The following NIN variants were observed in gnomAD, a reference collection of about 807,000 sequenced individuals.
NIN encodes the protein glycogen synthase kinase 3 beta-interacting protein.
Under a neutral mutation model 257.6 loss-of-function variants are expected in NIN, and 137 were observed. The ratio of observed to expected loss-of-function variants is 0.53; its 90% confidence interval spans 0.46 to 0.61. The LOEUF is 0.61. Among genes scored for constraint, NIN ranks in the 20% least tolerant of loss-of-function variants. NIN has a pLI of 0.00. For synonymous variants in NIN, 918 were observed against 919.8 expected, an observed-to-expected ratio of 1.00 and a Z score of 0.04; for missense variants, 2,439 against 2,501.2, an observed-to-expected ratio of 0.98 and a Z score of 0.53.
In NIN at chr14:50,756,989, T is replaced by A; in HGVS notation, c.4041A>T (p.Leu1347Phe). 1 of 1,613,444 alleles carries A rather than the reference T, an allele frequency of 6.2e-7. No homozygotes were observed. Among genetic ancestry groups the A allele is most frequent in the Admixed American group, 1.7e-5 (1 of 59,900 alleles). ...ESVVQRCDCC[L>F]WEASLENLEI... The stretch of plus-strand genomic sequence containing the variant: ...CCAGGTTCTCTAAACTGGCTTCCCA[T>A]AAGCAGCAGTCACACCGCTGGACCA... The change falls in exon 18 of 31, where the codon TTA (leucine) becomes TTT (phenylalanine). Residue 1347 changes from leucine (L) to phenylalanine (F), a missense_variant. Coordinates refer to ENST00000530997, the MANE Select transcript of NIN (RefSeq NM_020921.4).
chr14:50,729,881 C>G (rs1421527516), intron 28 of NIN, among the ~76,000 whole-genome samples, 158 bp from the exon 29 acceptor site: 1 of 152,202 alleles, frequency 6.6e-6, no homozygotes, highest in Non-Finnish European at 1.5e-5. Flanking sequence ...CCGAGGAATA[C>G]AGAAATGAGA....
intron 5 of NIN, among the ~76,000 whole-genome samples, chr14:50,781,172 A>AACTAAATCC (rs1277592463): frequency 6.6e-6 from 1 of 152,170 alleles, no homozygotes; most frequent in Non-Finnish European, 1.5e-5. Context: ...AACACCCCAG[A>AACTAAATCC]ACTAAATCCA....
rs768979521 is a variant in NIN, at chr14:50,760,176, T to G, written c.2080A>C (p.Thr694Pro). ...AVLKEAHHEA[T>P]CRHEEEKKQL... ...TTTTTCTCCTCCTCATGCCTGCAAG[T>G]GGCCTCATGATGTGCCTCCTTGAGC... Residue 694 changes from threonine to proline, a missense_variant, in exon 17 of 31, where the codon ACT becomes CCT. Thr to Pro is a conservative substitution (Grantham distance 38, BLOSUM62 -1). Coordinates refer to ENST00000530997, the MANE Select transcript of NIN (RefSeq NM_020921.4). The G allele has an allele frequency of 6.2e-7, 1 of 1,614,188 alleles. No homozygotes were observed. Among genetic ancestry groups the G allele is most frequent in the Non-Finnish European group, 8.5e-7 (1 of 1,180,034 alleles).
rs2140301272 is a variant in NIN, at chr14:50,723,580, T to C, written c.6285A>G (p.Arg2095=). 6.2e-7 allele frequency: 1 copy of C among 1,613,944 alleles called. No homozygotes were observed. The highest frequency in any genetic ancestry group is 2.2e-5 in the East Asian group (1 of 44,874). Residue 2095 remains arginine (R), a synonymous_variant, in exon 31 of 31, where the codon CGA becomes CGG. Coordinates refer to ENST00000530997, the MANE Select transcript of NIN (RefSeq NM_020921.4). ...LLKALEVTEQ[R]QKTAEKKNYL... is the part of the protein sequence containing the mutation. ...AATTTTTCTTCTCTGCTGTTTTCTG[T>C]CGCTGTTCAGTCACTTCCAGAGCTT...
chr14:50,749,364 G>GA (rs1296979138), intron 21 of NIN, among the ~76,000 whole-genome samples: 2 of 152,146 alleles, frequency 1.3e-5, no homozygotes, highest in African/African-American at 4.8e-5. Context: ...AACCCTAGAA[G>GA]AAAACCTAGG....
chr14:50,761,830 T>G lies in NIN; in HGVS notation c.1856A>C (p.His619Pro). The change falls in exon 16 of 31, where the codon CAC (histidine) becomes CCC (proline). Residue 619 changes from histidine (H) to proline (P), a missense_variant. Physicochemically the swap from His to Pro is moderately conservative, Grantham distance 77. This residue lies in a region of NIN where 2,043 missense variants were observed against 2,050.2 expected (regional missense o/e 1.00). Coordinates refer to ENST00000530997, the MANE Select transcript of NIN (RefSeq NM_020921.4). ...LVIEQMKEQH[H>P]RDICCLRLEL... ...CAGTCTGAGGCAACATATGTCCCTG[T>G]GATGTTGTTCTTTCATCTGTTCAAT... The G allele has an allele frequency of 1.2e-6, 2 of 1,614,142 alleles. No individual in the cohort carries two copies. Among genetic ancestry groups the G allele is most frequent in the Non-Finnish European group, 1.7e-6 (2 of 1,179,962 alleles).
chr14:50,722,096 T>C lies in NIN; in HGVS notation c.*1367A>G, dbSNP rs1305479816. 2 of 228,360 alleles carry C rather than the reference T, an allele frequency of 8.8e-6. No individual in the cohort carries two copies. Among genetic ancestry groups the C allele is most frequent in the East Asian group, 6.2e-5 (1 of 16,152 alleles). 14.1% of individuals were successfully genotyped at this position (228,360 alleles called of 1,614,324 possible). On this transcript the variant is annotated 3_prime_UTR_variant, in exon 31 of 31. Transcript: ENST00000530997. ...AGGTTGTTGTGATGAACTTGGAAAG[T>C]GCCCTGCACCTAGTAAGTCTTCCAC...
intron 3 of NIN, among the ~76,000 whole-genome samples, chr14:50,813,260 C>A (rs905437008): frequency 6.6e-6 from 1 of 152,204 alleles, no homozygotes; most frequent in Non-Finnish European, 1.5e-5. Context: ...CATAAATATA[C>A]AATACAATTA....
At chr14:50,734,182 C>T (rs1048576225) in intron 28 of NIN, among the ~76,000 whole-genome samples, 3 of 151,634 alleles carry the variant, frequency 2.0e-5, no homozygotes, top group African/African-American at 7.3e-5. Context: ...CTCCGCCTCC[C>T]AGGTTCAAGC....
At chr14:50,732,982 T>C (rs1215113090) in intron 28 of NIN, among the ~76,000 whole-genome samples, 4 of 152,154 alleles carry the variant, frequency 2.6e-5, no homozygotes, top group Non-Finnish European at 2.9e-5. Context: ...GTGGGAGGAT[T>C]GCTTGAGCCC....
In NIN at chr14:50,720,296, T is replaced by C. The variant is rs1480170786; in HGVS notation, c.*3167A>G. 4.5e-6 allele frequency: 1 copy of C among 221,462 alleles called. No homozygotes were observed. Among genetic ancestry groups the C allele is most frequent in the Non-Finnish European group, 9.0e-6 (1 of 110,696 alleles). The allele number at this position is 221,462 out of a possible 1,614,324, so 13.7% of individuals were successfully genotyped here. On this transcript the variant is annotated 3_prime_UTR_variant, in exon 31 of 31. Coordinates refer to ENST00000530997, the MANE Select transcript of NIN (RefSeq NM_020921.4). ...TTGCTTAATACTATCACAAAGCACT[T>C]AGCCTTGCCTTGACTGGAAATACCT...
At chr14:50,747,953 ATTG>A (rs1202876816) in intron 22 of NIN, 36 bp downstream of exon 22, 1 of 1,352,994 alleles carries the variant, frequency 7.4e-7, no homozygotes, top group Non-Finnish European at 1.1e-6. Context: ...CCAGGTACAT[ATTG>A]TTCTGTGAAC....
chr14:50,799,671 CCTT>C (rs2043997613), intron 4 of NIN, among the ~76,000 whole-genome samples: 1 of 152,176 alleles, frequency 6.6e-6, no homozygotes, highest in African/African-American at 2.4e-5. Flanking sequence ...CGTTTGGAAA[CCTT>C]CTTATATATC....
At chr14:50,728,060 T>A (rs1317267057) in intron 29 of NIN, among the ~76,000 whole-genome samples, 2 of 151,886 alleles carry the variant, frequency 1.3e-5, no homozygotes, top group Non-Finnish European at 2.9e-5. Flanking sequence ...GAGGATTTTT[T>A]TTTTCTTTCA....
chr14:50,766,722 T>C, intron 13 of NIN, 58 bp downstream of exon 13: 1 of 1,218,668 alleles, frequency 8.2e-7, no homozygotes. Flanking sequence ...TCCTGTTCTT[T>C]TGAGTAAACT....
rs367925424 is a variant in NIN at position 50,729,697 on chromosome 14, C to T, written c.5904G>A (p.Thr1968=). 329 of 1,609,988 alleles carry T rather than the reference C, an allele frequency of 2.0e-4. No individual in the cohort carries two copies. Among genetic ancestry groups the T allele is most frequent in the Middle Eastern group, 3.6e-4 (2 of 5,508 alleles). The change falls in exon 29 of 31, where the codon ACG becomes ACA. Residue 1968 remains threonine (T), a synonymous_variant. Transcript: ENST00000530997. ...CCCAAGCATGAGGGGACGGGCTAGG[C>T]GTCGCAGTGGACCTCAGGTGCTGCA... The part of the protein sequence containing the change: ...MEMQHLRSTA[T]PSPSPHAWDL...
At chr14:50,730,185 C>T (rs1262083370) in intron 28 of NIN, among the ~76,000 whole-genome samples, 1 of 152,094 alleles carries the variant, frequency 6.6e-6, no homozygotes, top group Non-Finnish European at 1.5e-5. Flanking sequence ...TTTGGAAGAA[C>T]CTCATCTTGC....
At position 50,786,981 on chromosome 14, in the gene NIN, C is replaced by T. The variant is rs925559327; in HGVS notation, c.435+5731G>A. Among the ~76,000 whole-genome samples, 87 of 152,170 alleles carry T rather than the reference C, an allele frequency of 5.7e-4. 1 individual carries two copies. The highest frequency in any genetic ancestry group is 2.0e-3 in the African/African-American group (83 of 41,506). On this transcript the variant is annotated intron_variant, in intron 5 of 30. Transcript: ENST00000530997. ...TAAAATCAGTTTGTCTTTTTTTAAG[C>T]TTTTTAACAACCACCTCCCCATCCT...
chr14:50,764,867 T>C (rs539562614), intron 14 of NIN, among the ~76,000 whole-genome samples: 1 of 151,876 alleles, frequency 6.6e-6, no homozygotes, highest in Non-Finnish European at 1.5e-5. Flanking sequence ...GTGATGAAAA[T>C]GTTCTAAAAT....
Sources: gnomAD v4.1 joint callset for allele counts (sites outside exome capture counted in the v4.1 genomes callset) on GRCh38, gnomAD v4.1.1 for gene constraint, gnomAD v4.1.1 regional missense constraint, MANE v1.5 for transcripts, NCBI Gene and HGNC (gene_info 2026-07-23, HGNC 2026-07-21) for gene names.